Variants in WWOX observed in about 807,000 individuals in gnomAD.
WWOX encodes WW domain-containing oxidoreductase.
A neutral mutation model predicts 46.2 loss-of-function variants in WWOX; 69 were observed. The observed-to-expected ratio is 1.49, with a 90% CI of 1.23 to 1.82. The LOEUF is 1.82. Among genes scored for constraint, WWOX ranks in the 40% most tolerant of loss-of-function variants. The probability of loss-of-function intolerance (pLI) is 0.00; values close to 1 mark genes in which losing one functional copy is unlikely to be tolerated. For missense variants in WWOX, 919 were observed against 542.6 expected (o/e 1.69, Z -6.89); for synonymous variants, 359 against 202.6 (o/e 1.77, Z -6.56).
In WWOX at chr16:78,386,946, T is replaced by A. The variant is rs1421094387; in HGVS notation, c.603T>A (p.Asn201Lys). The A allele has an allele frequency of 1.1e-5, 17 of 1,613,886 alleles. No individual in the cohort carries two copies. Among genetic ancestry groups the A allele is most frequent in the Non-Finnish European group, 1.4e-5 (17 of 1,179,766 alleles). ...QHFAEAFKAK[N>K]VPLHVLVCNA... ...TTGCTGAAGCATTCAAGGCCAAGAA[T>A]GTGTGAGTGTTCCAGTGGAGGGTTA... is the stretch of plus-strand genomic sequence containing the variant. The change falls in exon 6 of 9, where the codon AAT becomes AAA. Residue 201 changes from asparagine to lysine, a missense_variant and splice_region_variant. Physicochemically the swap from Asn to Lys is moderately conservative, Grantham distance 94. Transcript: ENST00000566780.
chr16:78,899,562 C>T (rs1431796870), intron 8 of WWOX: 4 of 152,114 alleles, frequency 2.6e-5, no homozygotes, highest in South Asian at 2.1e-4. Flanking sequence ...TATATTTCAG[C>T]GTCCTGAGAA....
At chr16:78,793,824 C>T (rs1034567564) in intron 8 of WWOX, among the ~76,000 whole-genome samples, 1 of 151,792 alleles carries the variant, frequency 6.6e-6, no homozygotes, top group Non-Finnish European at 1.5e-5. Context: ...GTCTGTAATC[C>T]CAGCACGTTG....
chr16:78,335,078 C>G (rs13336262), intron 5 of WWOX, among the ~76,000 whole-genome samples: 10,957 of 152,180 alleles, frequency 0.072, 1,157 homozygotes, highest in African/African-American at 0.23. Context: ...CTTTATTCCA[C>G]ACATAATGAA....
At chr16:78,918,739 C>A (rs183125579) in intron 8 of WWOX, among the ~76,000 whole-genome samples, 3 of 152,178 alleles carry the variant, frequency 2.0e-5, no homozygotes, top group South Asian at 4.1e-4. Context: ...TCACTATACC[C>A]ATTTCAGAAA....
intron 8 of WWOX, among the ~76,000 whole-genome samples, chr16:78,515,407 A>G (rs1323106912): frequency 6.6e-6 from 1 of 152,174 alleles, no homozygotes; most frequent in Non-Finnish European, 1.5e-5. Context: ...TTAAGGAATT[A>G]AATGGCATAT....
intron 8 of WWOX, among the ~76,000 whole-genome samples, chr16:78,540,999 TAAGGTCATTG>T (rs1567631708): frequency 2.0e-5 from 3 of 152,112 alleles, no homozygotes; most frequent in Admixed American, 6.6e-5. Context: ...CCACTATTAA[TAAGGTCATTG>T]TCAGCTGAGT....
At chr16:78,996,825 T>C (rs1404147468) in intron 8 of WWOX, among the ~76,000 whole-genome samples, 1 of 152,156 alleles carries the variant, frequency 6.6e-6, no homozygotes, top group Non-Finnish European at 1.5e-5. Flanking sequence ...TATAGAGCCA[T>C]CGCTTGCAGA....
intron 8 of WWOX, among the ~76,000 whole-genome samples, chr16:78,574,446 C>G (rs2044797548): frequency 2.0e-5 from 3 of 152,010 alleles, no homozygotes; most frequent in African/African-American, 7.2e-5. Flanking sequence ...CAAATAATGT[C>G]TCTGAAGACT....
intron 8 of WWOX, among the ~76,000 whole-genome samples, chr16:78,969,319 G>A (rs1452326409): frequency 6.6e-6 from 1 of 151,182 alleles, no homozygotes; most frequent in Non-Finnish European, 1.5e-5. Flanking sequence ...CACCTGGCTG[G>A]AATACAATGG....
At chr16:78,916,719 C>G (rs1224069724) in intron 8 of WWOX, among the ~76,000 whole-genome samples, 1 of 152,182 alleles carries the variant, frequency 6.6e-6, no homozygotes, top group African/African-American at 2.4e-5. Context: ...GTGATTCTTT[C>G]TAGGATAAAC....
intron 8 of WWOX, among the ~76,000 whole-genome samples, chr16:78,709,810 C>T (rs1043668666): frequency 2.0e-5 from 3 of 151,306 alleles, no homozygotes; most frequent in Non-Finnish European, 2.9e-5. Flanking sequence ...CTCACTGCAA[C>T]CTCCGTCTTC....
rs2738672 is a variant in WWOX at position 78,467,325 on chromosome 16, A to G, written c.1056+34573A>G. On this transcript the variant is annotated intron_variant, in intron 8 of 8. Coordinates refer to ENST00000566780, the MANE Select transcript of WWOX (RefSeq NM_016373.4). ...CCATATACACACAGTCTATATATAC[A>G]TGTATGCGCACATACACATATTTTA... Among the ~76,000 whole-genome samples the G allele has an allele frequency of 4.6e-5, 7 of 152,300 alleles. No individual in the cohort carries two copies. In the East Asian group the frequency reaches 1.2e-3, roughly 25 times the overall value.
rs200125720 is a variant in WWOX at position 78,143,752 on chromosome 16, G to GTTTTTTTT, written c.410-20419_410-20412dup. 1.2e-4 allele frequency among the ~76,000 whole-genome samples: 14 copies of GTTTTTTTT among 120,212 alleles called. 1 individual carries two copies. Among genetic ancestry groups the GTTTTTTTT allele is most frequent in the Admixed American group, 2.8e-4 (3 of 10,796 alleles). 78.9% of individuals were successfully genotyped at this position (120,212 alleles called of 152,430 possible). ...CTCATTCCTCTAAAAGAATTGGTAT[G>GTTTTTTTT]TTTTTTTTTTTTTTTTTTTGGTGGT... On this transcript the variant is annotated intron_variant, in intron 4 of 8. Transcript: ENST00000566780.
At chr16:78,589,074 TC>T (rs2045291034) in intron 8 of WWOX, among the ~76,000 whole-genome samples, 1 of 152,212 alleles carries the variant, frequency 6.6e-6, no homozygotes, top group Non-Finnish European at 1.5e-5. Flanking sequence ...CTGTAGATTC[TC>T]CCACTGTTGT....
At chr16:78,422,886 TATA>T (rs1185062599) in intron 6 of WWOX, among the ~76,000 whole-genome samples, 1 of 125,100 alleles carries the variant, frequency 8.0e-6, no homozygotes, top group African/African-American at 3.5e-5. Flanking sequence ...CACACACACA[TATA>T]TTTTTTTTTT....
chr16:78,144,484 TATAC>T (rs1468607317), intron 4 of WWOX, among the ~76,000 whole-genome samples: 16 of 25,930 alleles, frequency 6.2e-4, no homozygotes, highest in Non-Finnish European at 9.2e-4. Flanking sequence ...TATATATATA[TATAC>T]ACACACACAC....
chr16:78,967,255 C>G (rs189194173), intron 8 of WWOX, among the ~76,000 whole-genome samples: 92 of 145,218 alleles, frequency 6.3e-4, no homozygotes, highest in Middle Eastern at 3.8e-3. Context: ...CCCCAAACAA[C>G]TGGGAGGCAA....
intron 8 of WWOX, among the ~76,000 whole-genome samples, chr16:79,070,300 G>C (rs1457912823): frequency 6.7e-6 from 1 of 150,206 alleles, no homozygotes; most frequent in South Asian, 2.1e-4. Context: ...GTGTGTGTGT[G>C]TGTGTGTTTT....
At chr16:78,912,281 C>G (rs929235690) in intron 8 of WWOX, among the ~76,000 whole-genome samples, 2 of 152,036 alleles carry the variant, frequency 1.3e-5, no homozygotes, top group Non-Finnish European at 2.9e-5. Context: ...ATTGAAGTCT[C>G]ACTGTGTGCC....
Sources: gnomAD v4.1 joint callset for allele counts (sites outside exome capture counted in the v4.1 genomes callset) on GRCh38, gnomAD v4.1.1 for gene constraint, MANE v1.5 for transcripts, NCBI Gene and HGNC (gene_info 2026-07-23, HGNC 2026-07-21) for gene names.